EDEM3: variants seen among roughly 807,000 people sequenced by gnomAD.
EDEM3 encodes the protein ER degradation enhancing alpha-mannosidase like protein 3, also known as ER degradation-enhancing alpha-mannosidase-like protein 3.
A neutral mutation model predicts 110.2 loss-of-function variants in EDEM3; 60 were observed. That is an observed-to-expected ratio of 0.54 (90% CI 0.44 to 0.67). The LOEUF (loss-of-function observed/expected upper bound fraction) is 0.67. EDEM3 is among the 30% of genes least tolerant of loss of function. EDEM3 has a pLI of 0.00. For synonymous variants in EDEM3, 352 were observed against 382.9 expected, an observed-to-expected ratio of 0.92 and a Z score of 0.94; for missense variants, 996 against 1,121.0, an observed-to-expected ratio of 0.89 and a Z score of 1.59.
chr1:184,704,287 A>G (rs1336990713), intron 18 of EDEM3, among the ~76,000 whole-genome samples: 1 of 152,142 alleles, frequency 6.6e-6, no homozygotes, highest in Non-Finnish European at 1.5e-5. Context: ...TACAATTAAA[A>G]CAAAAACAAA....
intron 2 of EDEM3, among the ~76,000 whole-genome samples, chr1:184,742,545 C>A (rs569700282): frequency 5.9e-5 from 9 of 152,172 alleles, no homozygotes; most frequent in Non-Finnish European, 1.2e-4. Flanking sequence ...TGTGCGCCAC[C>A]ATACTTGGCT....
intron 5 of EDEM3, 78 bp downstream of exon 5, chr1:184,734,453 C>G (rs1651712643): frequency 1.9e-6 from 1 of 521,604 alleles, no homozygotes; most frequent in South Asian, 5.1e-5. Flanking sequence ...GGTGACTGAG[C>G]AAGACTCTGT....
chr1:184,744,249 AATATATATATATATATAT>A (rs55959890), intron 2 of EDEM3, among the ~76,000 whole-genome samples: 1,382 of 87,646 alleles, frequency 0.016, 45 homozygotes, highest in African/African-American at 0.042. Context: ...ACAAATGACA[AATATATATATATATATAT>A]ATATATATAT....
intron 1 of EDEM3, among the ~76,000 whole-genome samples, chr1:184,750,955 T>C (rs1652728502): frequency 6.6e-6 from 1 of 152,110 alleles, no homozygotes; most frequent in African/African-American, 2.4e-5. Flanking sequence ...GATTATGAAA[T>C]ACTGGTAATA....
chr1:184,743,220 TAC>T (rs1335486554), intron 2 of EDEM3, among the ~76,000 whole-genome samples: 6 of 152,232 alleles, frequency 3.9e-5, no homozygotes, highest in Non-Finnish European at 8.8e-5. Flanking sequence ...CAAAGCAAAC[TAC>T]AGACAGTTTG....
chr1:184,697,767 A>C (rs1649403842), intron 19 of EDEM3, among the ~76,000 whole-genome samples: 1 of 151,854 alleles, frequency 6.6e-6, no homozygotes, highest in African/African-American at 2.4e-5. Flanking sequence ...AACAGGATGG[A>C]GTGATCTTCT....
intron 5 of EDEM3, 60 bp downstream of exon 5, chr1:184,734,471 A>AT: frequency 1.5e-6 from 1 of 672,146 alleles, no homozygotes; most frequent in East Asian, 5.6e-5. Flanking sequence ...TGTCTCAAAA[A>AT]ATATATATAA....
At chr1:184,734,200 G>A (rs1651694534) in intron 5 of EDEM3, among the ~76,000 whole-genome samples, 1 of 140,318 alleles carries the variant, frequency 7.1e-6, no homozygotes, top group Non-Finnish European at 1.6e-5. Flanking sequence ...TGGGCGTGGT[G>A]GCTCACGCCT....
At chr1:184,697,590 G>C (rs899699616) in intron 19 of EDEM3, among the ~76,000 whole-genome samples, 1 of 151,876 alleles carries the variant, frequency 6.6e-6, no homozygotes, top group African/African-American at 2.4e-5. Flanking sequence ...AAAGATGGTA[G>C]TTTAACTGAA....
intron 19 of EDEM3, among the ~76,000 whole-genome samples, chr1:184,701,299 G>A (rs922930469): frequency 3.9e-5 from 6 of 152,040 alleles, no homozygotes; most frequent in African/African-American, 1.4e-4. Context: ...TTCATCTATT[G>A]TATGGGATGT....
At chr1:184,717,505 C>A in intron 12 of EDEM3, 35 bp downstream of exon 12, 1 of 1,557,450 alleles carries the variant, frequency 6.4e-7, no homozygotes, top group South Asian at 1.2e-5. Flanking sequence ...AGAATGGAGG[C>A]TAAACTTTAA....
Position 184,715,601 on chromosome 1 carries a change from T to TA in EDEM3, c.1370+1286dup, listed in dbSNP as rs1416564570. ...CTAGATTAGAATTCTGACTTAATCT[T>TA]ACTAACTGTGTGACCTTAGGCAAGT... On this transcript the variant is annotated intron_variant, in intron 13 of 19. Coordinates refer to ENST00000318130, the MANE Select transcript of EDEM3 (RefSeq NM_025191.4). Among the ~76,000 whole-genome samples the TA allele has an allele frequency of 6.5e-4, 99 of 152,174 alleles. 1 individual carries two copies. The highest frequency in any genetic ancestry group is 1.5e-4 in the Non-Finnish European group (10 of 68,016).
chr1:184,739,111 A>C (rs887588334), intron 2 of EDEM3, among the ~76,000 whole-genome samples: 18 of 151,974 alleles, frequency 1.2e-4, no homozygotes, highest in African/African-American at 4.3e-4. Flanking sequence ...AATGGCTTGA[A>C]ATATTGGGTT....
At position 184,726,371 on chromosome 1, in the gene EDEM3, T is replaced by G. The variant is rs142115161; in HGVS notation, c.631A>C (p.Ile211Leu). 1 of 1,613,432 alleles carries G rather than the reference T, an allele frequency of 6.2e-7. No homozygotes were observed. The highest frequency in any genetic ancestry group is 1.7e-5 in the Admixed American group (1 of 59,992). Residue 211 changes from isoleucine (I) to leucine (L), a missense_variant, in exon 7 of 20, where the codon ATC becomes CTC. Transcript: ENST00000318130. ...CCTGTCCGAGCTTCTGGTTTTCTGATGCCAAACTTTAAATTAATCTGAATA... is the reference window on the plus strand; with the variant it reads ...CCTGTCCGAGCTTCTGGTTTTCTGAGGCCAAACTTTAAATTAATCTGAATA... ...PYPRINLKFG[I>L]RKPEARTGTE... is the part of the protein sequence containing the mutation.
intron 9 of EDEM3, 200 bp downstream of exon 9, chr1:184,721,088 TA>T: frequency 4.3e-6 from 2 of 464,384 alleles, no homozygotes; most frequent in Non-Finnish European, 3.8e-6. Context: ...AAGGTGAAAA[TA>T]AAACTACTTT....
chr1:184,709,489 G>A (rs115580620), intron 16 of EDEM3, among the ~76,000 whole-genome samples: 227 of 152,308 alleles, frequency 1.5e-3, no homozygotes, highest in Admixed American at 5.8e-3. Flanking sequence ...AGTAGAAAAA[G>A]AACTTTGTTT....
In EDEM3 at chr1:184,734,931, ATGAGGTG is replaced by A. The variant is rs1651740318; in HGVS notation, c.346-295_346-289del. On this transcript the variant is annotated intron_variant, in intron 4 of 19. Coordinates refer to ENST00000318130, the MANE Select transcript of EDEM3 (RefSeq NM_025191.4). ...CTGGATTCTTAATGACCCAGGCTAC[ATGAGGTG>A]AGTTCTAGTAGAATTTGGCTTCTAA... Among the ~76,000 whole-genome samples the A allele has an allele frequency of 6.6e-5, 10 of 152,368 alleles. No homozygotes were observed. In the South Asian group the frequency reaches 1.9e-3, roughly 28 times the overall value.
chr1:184,705,645 TTC>T (rs1649878558), intron 18 of EDEM3, among the ~76,000 whole-genome samples: 1 of 152,184 alleles, frequency 6.6e-6, no homozygotes, highest in African/African-American at 2.4e-5. Flanking sequence ...AGTGTTAATA[TTC>T]TGTTTTACCT....
At chr1:184,701,431 T>G in intron 19 of EDEM3, 1 of 981,044 alleles carries the variant, frequency 1.0e-6, no homozygotes, top group African/African-American at 1.7e-5. Flanking sequence ...TACTTGAGTG[T>G]GTGTACACAC....
Sources: gnomAD v4.1 joint callset for allele counts (sites outside exome capture counted in the v4.1 genomes callset) on GRCh38, gnomAD v4.1.1 for gene constraint, MANE v1.5 for transcripts, NCBI Gene and HGNC (gene_info 2026-07-23, HGNC 2026-07-21) for gene names.